The following DAB1 variants were observed in gnomAD, a reference collection of about 807,000 sequenced individuals.
DAB1 encodes disabled homolog 1.
Under a neutral mutation model 64.6 loss-of-function variants are expected in DAB1, and 15 were observed. The ratio of observed to expected loss-of-function variants is 0.23; its 90% CI spans 0.16 to 0.36. The LOEUF is 0.36. Ranked by LOEUF, DAB1 falls within the 10% of genes least tolerant of loss-of-function variation. The pLI, the probability that DAB1 is intolerant of heterozygous loss-of-function variation, is 1.00. For synonymous variants in DAB1, 235 were observed against 251.9 expected (o/e 0.93, Z 0.64); for missense variants, 596 against 706.7 (o/e 0.84, Z 1.78).
At chr1:57,350,540 T>A (rs1209983729) in intron 1 of DAB1, among the ~76,000 whole-genome samples, 1 of 152,130 alleles carries the variant, frequency 6.6e-6, no homozygotes, top group Non-Finnish European at 1.5e-5. Flanking sequence ...GAGCTCCCTC[T>A]GTATTTAGAT....
At chr1:57,558,459 C>T (rs183266731) in intron 7 of DAB1, among the ~76,000 whole-genome samples, 36 of 152,286 alleles carry the variant, frequency 2.4e-4, no homozygotes, top group African/African-American at 8.4e-4. Flanking sequence ...GCGTGCTACA[C>T]TCAAAAAGAA....
At chr1:58,222,220 T>A (rs2100326345) in intron 4 of DAB1, among the ~76,000 whole-genome samples, 1 of 152,232 alleles carries the variant, frequency 6.6e-6, no homozygotes, top group Non-Finnish European at 1.5e-5. Flanking sequence ...CTGCAGATTC[T>A]GACATACCTT....
chr1:58,450,378 C>T (rs760924889), intron 3 of DAB1, among the ~76,000 whole-genome samples: 5 of 152,182 alleles, frequency 3.3e-5, no homozygotes, highest in Non-Finnish European at 7.4e-5. Flanking sequence ...TGAGGAGTGG[C>T]TTCCCACTCC....
intron 4 of DAB1, among the ~76,000 whole-genome samples, chr1:58,231,238 T>G (rs1427761775): frequency 6.6e-6 from 1 of 152,194 alleles, no homozygotes; most frequent in Non-Finnish European, 1.5e-5. Flanking sequence ...GTGGTAGAGC[T>G]AGAAATGAAA....
intron 4 of DAB1, among the ~76,000 whole-genome samples, chr1:57,121,527 C>T (rs1367555829): frequency 2.0e-5 from 3 of 151,824 alleles, no homozygotes; most frequent in Non-Finnish European, 4.4e-5. Context: ...ACTTGAGAAA[C>T]ACTGCTTAAT....
chr1:57,219,909 C>A (rs2100376693), intron 2 of DAB1, among the ~76,000 whole-genome samples: 1 of 152,264 alleles, frequency 6.6e-6, no homozygotes, highest in Admixed American at 6.5e-5. Context: ...GGGCCGAGAC[C>A]CCTGACCCAT....
chr1:57,833,352 C>T (rs981890127), intron 1 of DAB1, among the ~76,000 whole-genome samples: 3 of 152,122 alleles, frequency 2.0e-5, no homozygotes, highest in Non-Finnish European at 4.4e-5. Flanking sequence ...TGTTTCACAT[C>T]GTACCAAGTA....
intron 5 of DAB1, among the ~76,000 whole-genome samples, chr1:58,007,094 TCTG>T (rs922773450): frequency 7.2e-5 from 11 of 152,204 alleles, no homozygotes; most frequent in African/African-American, 2.4e-4. Context: ...ATTTAAGCTC[TCTG>T]CTGCCCACAA....
At chr1:57,073,846 A>G (rs545774251) in intron 4 of DAB1, among the ~76,000 whole-genome samples, 1 of 152,350 alleles carries the variant, frequency 6.6e-6, no homozygotes, top group East Asian at 1.9e-4. Context: ...ACATATTTCT[A>G]TGTGCATGCA....
chr1:57,078,400 T>G (rs921950137), intron 4 of DAB1, among the ~76,000 whole-genome samples: 1 of 152,206 alleles, frequency 6.6e-6, no homozygotes, highest in African/African-American at 2.4e-5. Context: ...ACTTCTTTTC[T>G]CTTTTTGTAT....
At chr1:58,045,202 C>T (rs961063884) in intron 5 of DAB1, among the ~76,000 whole-genome samples, 2 of 152,188 alleles carry the variant, frequency 1.3e-5, no homozygotes, top group African/African-American at 2.4e-5. Context: ...ACTGCAAGGA[C>T]AGCAGGTTGG....
At chr1:58,398,370 C>T (rs1644540593) in intron 3 of DAB1, among the ~76,000 whole-genome samples, 1 of 152,228 alleles carries the variant, frequency 6.6e-6, no homozygotes. Context: ...TCCACATGTG[C>T]CATGACTTCT....
At chr1:57,675,311 G>T (rs981674230) in intron 6 of DAB1, among the ~76,000 whole-genome samples, 2 of 152,200 alleles carry the variant, frequency 1.3e-5, no homozygotes, top group African/African-American at 4.8e-5. Flanking sequence ...GGCGAAGGTA[G>T]GTTCTAGAGG....
At chr1:57,141,343 G>A (rs1364657320) in intron 3 of DAB1, among the ~76,000 whole-genome samples, 1 of 152,172 alleles carries the variant, frequency 6.6e-6, no homozygotes, top group Non-Finnish European at 1.5e-5. Flanking sequence ...CAGGAGATCA[G>A]TGGGTAGGAG....
At chr1:58,353,101 C>T (rs1644074468) in intron 3 of DAB1, among the ~76,000 whole-genome samples, 2 of 152,230 alleles carry the variant, frequency 1.3e-5, no homozygotes, top group South Asian at 2.1e-4. Context: ...CCAAGAAACC[C>T]TCATGCCACT....
intron 6 of DAB1, among the ~76,000 whole-genome samples, chr1:57,664,245 C>T (rs549190582): frequency 6.6e-6 from 1 of 152,262 alleles, no homozygotes; most frequent in Non-Finnish European, 1.5e-5. Flanking sequence ...CTTTGTGAGA[C>T]CAAAGACCAA....
At position 58,527,285 on chromosome 1, in the gene DAB1, T is replaced by A. The variant is rs187266868; in HGVS notation, n.83A>T. Reference sequence around the variant, plus strand: ...CCTTTGCAGCAAGCAGTAGTCCAATTTTGTCAGCTTCGGCCTCCAATTTTC... The same window carrying A: ...CCTTTGCAGCAAGCAGTAGTCCAATATTGTCAGCTTCGGCCTCCAATTTTC... On this transcript the variant is annotated non_coding_transcript_exon_variant, in exon 2 of 21. Coordinates refer to the DAB1 transcript ENST00000485760. 2.4e-5 allele frequency: 21 copies of A among 872,358 alleles called. No individual in the cohort carries two copies. In the Admixed American group the frequency reaches 3.2e-4, roughly 13 times the overall value. The allele number at this position is 872,358 out of a possible 1,614,324, so 54.0% of individuals were successfully genotyped here. A position where few individuals can be genotyped will look rare whatever the true frequency, so the allele number is the denominator to read the frequency against.
chr1:58,480,002 C>T (rs189556921), intron 3 of DAB1, among the ~76,000 whole-genome samples: 163 of 152,156 alleles, frequency 1.1e-3, no homozygotes, highest in African/African-American at 3.9e-3. Flanking sequence ...AAGAAAAATG[C>T]CCTTCTTAGA....
intron 7 of DAB1, among the ~76,000 whole-genome samples, chr1:57,459,627 A>G (rs112446046): frequency 0.034 from 5,216 of 152,286 alleles, 302 homozygotes; most frequent in African/African-American, 0.12. Context: ...GAGACCTTGG[A>G]GATCACCATC....
Sources: allele counts gnomAD v4.1 joint callset (sites outside exome capture counted in the v4.1 genomes callset), GRCh38; gene constraint gnomAD v4.1.1; transcripts MANE v1.5; gene names NCBI Gene and HGNC (gene_info 2026-07-23, HGNC 2026-07-21).